PLCB1: variants seen among roughly 807,000 people sequenced by gnomAD.
PLCB1 encodes the protein 1-phosphatidylinositol 4,5-bisphosphate phosphodiesterase beta-1.
PLCB1 carries 46 observed loss-of-function variants against 161.8 expected under a neutral mutation model. That is an observed-to-expected ratio of 0.28 (90% confidence interval 0.22 to 0.36). The LOEUF (loss-of-function observed/expected upper bound fraction) is 0.36, where lower values mean the gene tolerates loss of function less well. PLCB1 is among the 10% of genes least tolerant of loss of function. The pLI, the probability that PLCB1 is intolerant of heterozygous loss-of-function variation, is 1.00. For missense variants in PLCB1, 1,016 were observed against 1,472.5 expected (o/e 0.69, Z 5.07); for synonymous variants, 517 against 503.7 (o/e 1.03, Z -0.35).
chr20:8,505,743 T>C (rs190460154), intron 3 of PLCB1, among the ~76,000 whole-genome samples: 22 of 152,312 alleles, frequency 1.4e-4, no homozygotes, highest in African/African-American at 5.3e-4. Context: ...AGAGGGAAAA[T>C]ACAGTTGGCT....
At chr20:8,270,733 C>T (rs1390856357) in intron 2 of PLCB1, among the ~76,000 whole-genome samples, 1 of 151,990 alleles carries the variant, frequency 6.6e-6, no homozygotes, top group East Asian at 1.9e-4. Context: ...TGTGTTTATC[C>T]TGCTGTCTGT....
At chr20:8,842,504 T>G (rs1600374861) in intron 31 of PLCB1, among the ~76,000 whole-genome samples, 1 of 152,308 alleles carries the variant, frequency 6.6e-6, no homozygotes, top group East Asian at 1.9e-4. Flanking sequence ...TAGGTTTTAT[T>G]CATAGACTTG....
At chr20:8,420,269 A>G (rs565498952) in intron 3 of PLCB1, among the ~76,000 whole-genome samples, 1 of 152,330 alleles carries the variant, frequency 6.6e-6, no homozygotes, top group South Asian at 2.1e-4. Context: ...TCTCACATCT[A>G]GCAAACTGCT....
intron 31 of PLCB1, among the ~76,000 whole-genome samples, chr20:8,813,090 T>C (rs1984911185): frequency 6.6e-6 from 1 of 152,184 alleles, no homozygotes. Flanking sequence ...GGACACCGCG[T>C]CCTCTCCTGA....
intron 10 of PLCB1, among the ~76,000 whole-genome samples, chr20:8,696,231 C>T (rs1356998864): frequency 6.6e-6 from 1 of 152,124 alleles, no homozygotes; most frequent in Non-Finnish European, 1.5e-5. Context: ...ATGTGGCTAT[C>T]CAGTTGTCCC....
At chr20:8,252,845 T>C (rs1264853640) in intron 2 of PLCB1, among the ~76,000 whole-genome samples, 1 of 151,984 alleles carries the variant, frequency 6.6e-6, no homozygotes, top group Admixed American at 6.6e-5. Context: ...TAGCATCAGT[T>C]CAATAGGCTT....
At chr20:8,605,062 A>C (rs1039642666) in intron 3 of PLCB1, among the ~76,000 whole-genome samples, 6 of 152,164 alleles carry the variant, frequency 3.9e-5, no homozygotes, top group Non-Finnish European at 1.5e-5. Context: ...CTGTAATCCC[A>C]CACACACACA....
intron 3 of PLCB1, among the ~76,000 whole-genome samples, chr20:8,607,993 CAT>C (rs1370403226): frequency 6.6e-6 from 1 of 151,734 alleles, no homozygotes; most frequent in Non-Finnish European, 1.5e-5. Context: ...TGTTGTACAC[CAT>C]ATATATATAC....
chr20:8,468,111 A>G (rs1266463035), intron 3 of PLCB1, among the ~76,000 whole-genome samples: 1 of 152,198 alleles, frequency 6.6e-6, no homozygotes, highest in Non-Finnish European at 1.5e-5. Flanking sequence ...AAGAACAAGC[A>G]AAACTAATAA....
Position 8,852,745 on chromosome 20 carries a change from C to T in PLCB1, c.3424-28877C>T, listed in dbSNP as rs1223556397. Among the ~76,000 whole-genome samples the T allele has an allele frequency of 3.9e-5, 6 of 152,338 alleles. No homozygotes were observed. The East Asian group carries it at 7.7e-4, about 20-fold the overall frequency. On this transcript the variant is annotated intron_variant, in intron 31 of 31. Coordinates refer to ENST00000338037, the MANE Select transcript of PLCB1 (RefSeq NM_015192.4). Reference sequence around the variant, plus strand: ...CTCTCCAATTTTCTCAACTCTTTCCCGGTTTGTAATGTTTATTGTTTTCTT... The same window carrying T: ...CTCTCCAATTTTCTCAACTCTTTCCTGGTTTGTAATGTTTATTGTTTTCTT...
chr20:8,554,773 T>TA (rs569082074), intron 3 of PLCB1, among the ~76,000 whole-genome samples: 30 of 152,104 alleles, frequency 2.0e-4, no homozygotes, highest in Non-Finnish European at 4.0e-4. Flanking sequence ...GCTGTTAACA[T>TA]AAAAAAATTG....
At chr20:8,624,017 G>A (rs1988259306) in intron 3 of PLCB1, 1 of 152,224 alleles carries the variant, frequency 6.6e-6, no homozygotes, top group Non-Finnish European at 1.5e-5. Context: ...TGGGAAACCA[G>A]CCTGGACGTA....
At chr20:8,594,123 TA>T (rs1279836926) in intron 3 of PLCB1, among the ~76,000 whole-genome samples, 3 of 152,074 alleles carry the variant, frequency 2.0e-5, no homozygotes, top group African/African-American at 7.2e-5. Context: ...CCTCAAGCAA[TA>T]CTTCTGGCCT....
chr20:8,670,051 A>G (rs1989906549), intron 9 of PLCB1, among the ~76,000 whole-genome samples: 1 of 152,198 alleles, frequency 6.6e-6, no homozygotes, highest in African/African-American at 2.4e-5. Flanking sequence ...AGGCAATGGA[A>G]TTGGTTTCCT....
chr20:8,664,627 TAACTC>T (rs1340275847), intron 9 of PLCB1, among the ~76,000 whole-genome samples: 4 of 152,136 alleles, frequency 2.6e-5, no homozygotes, highest in Admixed American at 2.0e-4. Context: ...GGCAGAAACT[TAACTC>T]AAACTAAAGC....
intron 27 of PLCB1, among the ~76,000 whole-genome samples, chr20:8,777,649 G>T (rs1983007213): frequency 6.6e-6 from 1 of 151,526 alleles, no homozygotes; most frequent in Non-Finnish European, 1.5e-5. Context: ...AACCCAGGAG[G>T]TGGAGGTTGC....
At chr20:8,815,897 A>T (rs953666711) in intron 31 of PLCB1, among the ~76,000 whole-genome samples, 10 of 152,242 alleles carry the variant, frequency 6.6e-5, no homozygotes, top group Non-Finnish European at 1.5e-4. Flanking sequence ...ATAATATGAA[A>T]CAAAACAACA....
chr20:8,356,869 A>AG (rs1216632293), intron 2 of PLCB1, among the ~76,000 whole-genome samples: 4 of 152,216 alleles, frequency 2.6e-5, no homozygotes, highest in African/African-American at 9.6e-5. Flanking sequence ...TATTAAGGAA[A>AG]ATAAGAAAAT....
At chr20:8,723,779 G>A (rs1218921744) in intron 15 of PLCB1, among the ~76,000 whole-genome samples, 2 of 152,042 alleles carry the variant, frequency 1.3e-5, no homozygotes, top group Non-Finnish European at 2.9e-5. Flanking sequence ...AATCAGGCAG[G>A]CTGGCTCTAG....
Sources: allele counts gnomAD v4.1 joint callset (sites outside exome capture counted in the v4.1 genomes callset), GRCh38; gene constraint gnomAD v4.1.1; transcripts MANE v1.5; gene names NCBI Gene and HGNC (gene_info 2026-07-23, HGNC 2026-07-21).